PPOX: variants seen among roughly 807,000 people sequenced by gnomAD.
The protein encoded by PPOX is protoporphyrinogen oxidase, also known as variegate porphyria.
In PPOX, 23 loss-of-function variants were observed where a neutral mutation model predicts 54.1. The observed-to-expected ratio is 0.43, with a 90% CI of 0.31 to 0.60. The LOEUF is 0.60. Among genes scored for constraint, PPOX ranks in the 20% least tolerant of loss-of-function variants. The pLI, the probability that PPOX is intolerant of heterozygous loss-of-function variation, is 0.13. For synonymous variants in PPOX, 224 were observed against 236.1 expected (o/e 0.95, Z 0.47); for missense variants, 512 against 601.1 (o/e 0.85, Z 1.55).
At chr1:161,166,399 G>C, upstream of PPOX, 2 of 1,106,264 alleles carry the variant, frequency 1.8e-6, no homozygotes, top group South Asian at 4.9e-5. Context: ...GAGAGGTAGG[G>C]TTAGGCGCGT....
upstream of PPOX, chr1:161,166,178 G>C: frequency 1.0e-6 from 1 of 982,578 alleles, no homozygotes; most frequent in Non-Finnish European, 1.2e-6. Context: ...GACCTGGTAA[G>C]CTTGTGCTGG....
chr1:161,172,107 G>A, downstream of PPOX: 3 of 1,613,000 alleles, frequency 1.9e-6, no homozygotes, highest in Non-Finnish European at 1.7e-6. Context: ...TTAGAGGTTG[G>A]AGACTAAGAC....
At chr1:161,169,276 C>A in intron 7 of PPOX, 93 bp downstream of exon 7, 2 of 1,465,820 alleles carry the variant, frequency 1.4e-6, no homozygotes, top group South Asian at 1.2e-5. Flanking sequence ...ACTGGAGTTC[C>A]TCATTGTTTT....
chr1:161,166,392 A>C, upstream of PPOX: 1 of 1,064,666 alleles, frequency 9.4e-7, no homozygotes, highest in Middle Eastern at 4.6e-4. Flanking sequence ...GATGTAGGAG[A>C]GGTAGGGTTA....
intron 5 of PPOX, 39 bp from the exon 6 acceptor site, chr1:161,168,393 A>T (rs1374184177): frequency 1.2e-6 from 2 of 1,613,774 alleles, no homozygotes; most frequent in East Asian, 4.5e-5. Flanking sequence ...GTCAGTGTAG[A>T]TTATTTTTTC....
At chr1:161,167,027 T>TCTTCC (rs1019623600) in intron 2 of PPOX, 73 bp from the exon 3 acceptor site, 7 of 1,613,200 alleles carry the variant, frequency 4.3e-6, no homozygotes, top group Non-Finnish European at 5.9e-6. Flanking sequence ...TGAATATGCC[T>TCTTCC]CTTCCCCTCC....
In PPOX at chr1:161,167,375, C is replaced by G; in HGVS notation, c.227C>G (p.Ser76Cys). ...CTGAGGGCATGTGGAGAGCAGGTTT[C>G]TGAGCTTGGCTTGGATTCAGAAGTG... ...ALGARTLLLV[S>C]ELGLDSEVLP... The change falls in exon 4 of 13, where the codon TCT becomes TGT. Residue 76 changes from serine (S) to cysteine (C), a missense_variant. Physicochemically the swap from Ser to Cys is moderately radical, Grantham distance 112. Coordinates refer to ENST00000367999, the MANE Select transcript of PPOX (RefSeq NM_001122764.3). 2.5e-6 allele frequency: 4 copies of G among 1,613,948 alleles called. No homozygotes were observed. Among genetic ancestry groups the G allele is most frequent in the Non-Finnish European group, 3.4e-6 (4 of 1,180,004 alleles).
downstream of PPOX, chr1:161,173,804 C>T (rs530544423): frequency 1.1e-4 from 184 of 1,609,988 alleles, no homozygotes; most frequent in Middle Eastern, 1.7e-4. Flanking sequence ...TGGCTCTCCT[C>T]CTTCCACAGG....
downstream of PPOX, chr1:161,177,243 T>C (rs917634794): frequency 4.6e-6 from 3 of 653,708 alleles, no homozygotes; most frequent in Non-Finnish European, 7.7e-6. Context: ...CCTATCCCAG[T>C]CTCTTGCTTT....
At position 161,169,061 on chromosome 1, in the gene PPOX, C is replaced by T; in HGVS notation, c.685C>T (p.Leu229Phe). The change falls in exon 7 of 13, where the codon CTT becomes TTT. Residue 229 changes from leucine (L) to phenylalanine (F), a missense_variant. Physicochemically the swap from Leu to Phe is conservative, Grantham distance 22. Coordinates refer to ENST00000367999, the MANE Select transcript of PPOX (RefSeq NM_001122764.3). ...GGCTGAGCGCTGGAGCCAGTGGTCA[C>T]TTCGTGGAGGTCTAGAGATGTTGCC... ...ALAERWSQWSLRGGLEMLPQA... is the reference protein window; with the variant it reads ...ALAERWSQWSFRGGLEMLPQA... The T allele has an allele frequency of 6.2e-7, 1 of 1,614,222 alleles. No homozygotes were observed. The highest frequency in any genetic ancestry group is 8.5e-7 in the Non-Finnish European group (1 of 1,180,042).
In PPOX at chr1:161,167,818, C is replaced by T. The variant is rs566573648; in HGVS notation, c.339-177C>T. On this transcript the variant is annotated intron_variant, in intron 4 of 12. Coordinates refer to ENST00000367999, the MANE Select transcript of PPOX (RefSeq NM_001122764.3). The stretch of plus-strand genomic sequence containing the variant: ...GACCTTGTGATCCGCCCGCCTCGGC[C>T]TGCCAAAGTGCTGGGATTACAGGCG... The T allele has an allele frequency of 1.6e-4, 171 of 1,036,452 alleles. No individual in the cohort carries two copies. In the African/African-American group the frequency reaches 2.2e-3, roughly 14 times the overall value. The allele number at this position is 1,036,452 out of a possible 1,614,324, so 64.2% of individuals were successfully genotyped here. A position where few individuals can be genotyped will look rare whatever the true frequency, so the allele number is the denominator to read the frequency against.
upstream of PPOX, chr1:161,166,170 C>A: frequency 2.0e-6 from 2 of 983,354 alleles, no homozygotes; most frequent in Non-Finnish European, 2.4e-6. Flanking sequence ...CCTAGCTGGA[C>A]CTGGTAAGCT....
At chr1:161,172,150 T>A, downstream of PPOX, 1 of 1,612,222 alleles carries the variant, frequency 6.2e-7, no homozygotes. Context: ...CTAGGGACCT[T>A]TAGGATTTTC....
chr1:161,170,320 G>GGGGGGGGGCCCCCCCC, intron 9 of PPOX, 89 bp from the exon 10 acceptor site: 5 of 494,782 alleles, frequency 1.0e-5, no homozygotes, highest in East Asian at 5.4e-5. Context: ...GTGAGACTCT[G>GGGGGGGGGCCCCCCCC]TCCCCCCCAC....
At chr1:161,171,741 A>C, downstream of PPOX, 2 of 1,550,058 alleles carry the variant, frequency 1.3e-6, no homozygotes, top group Non-Finnish European at 1.8e-6. Context: ...CTCTGAGAAC[A>C]GTGAGGAGCT....
chr1:161,175,659 C>T, downstream of PPOX: 2 of 1,201,982 alleles, frequency 1.7e-6, no homozygotes, highest in East Asian at 2.3e-5. Flanking sequence ...CAACCTCAGC[C>T]CTCTATCTCA....
downstream of PPOX, chr1:161,173,578 G>C: frequency 6.2e-7 from 1 of 1,613,122 alleles, no homozygotes; most frequent in Non-Finnish European, 8.5e-7. Context: ...CTGGGGTCAG[G>C]AGGGAGGAAG....
intron 4 of PPOX, 186 bp from the exon 5 acceptor site, chr1:161,167,809 C>T (rs935144204): frequency 4.8e-5 from 45 of 938,414 alleles, no homozygotes; most frequent in Middle Eastern, 3.4e-4. Context: ...GTGATCCGCC[C>T]GCCTCGGCCT....
chr1:161,170,320 G>GGGGGGGGGGGCCCCCCC, intron 9 of PPOX, 89 bp from the exon 10 acceptor site: 3 of 494,784 alleles, frequency 6.1e-6, no homozygotes, highest in Admixed American at 2.4e-5. Flanking sequence ...GTGAGACTCT[G>GGGGGGGGGGGCCCCCCC]TCCCCCCCAC....
Sources: allele counts gnomAD v4.1 joint callset, GRCh38; gene constraint gnomAD v4.1.1; transcripts MANE v1.5; gene names NCBI Gene and HGNC (gene_info 2026-07-23, HGNC 2026-07-21).